The following CAST variants were observed in gnomAD, a reference collection of about 807,000 sequenced individuals.
CAST encodes MIR583 host.
In CAST, 76 loss-of-function variants were observed where a neutral mutation model predicts 119.6. That is an observed-to-expected ratio of 0.64 (90% CI 0.53 to 0.77). The LOEUF is 0.77. CAST is among the 30% of genes least tolerant of loss of function. The probability of loss-of-function intolerance (pLI) is 0.00; values close to 1 mark genes in which losing one functional copy is unlikely to be tolerated. For synonymous variants in CAST, 319 were observed against 331.6 expected (o/e 0.96, Z 0.41); for missense variants, 953 against 946.5 (o/e 1.01, Z -0.09).
chr5:96,118,630 CT>C, the CAST span, among the ~76,000 whole-genome samples: 1,495 of 129,824 alleles, frequency 0.012, 11 homozygotes, highest in African/African-American at 0.03. Flanking sequence ...TGGAAATTTG[CT>C]TTTTTTTTTT....
the CAST span, among the ~76,000 whole-genome samples, chr5:96,072,421 T>C: frequency 6.6e-6 from 1 of 152,206 alleles, no homozygotes; most frequent in Non-Finnish European, 1.5e-5. Context: ...ATGACTTAAA[T>C]GTCTTCTAAG....
intron 1 of CAST, among the ~76,000 whole-genome samples, chr5:96,547,735 T>G (rs1746044958): frequency 6.6e-6 from 1 of 152,226 alleles, no homozygotes; most frequent in African/African-American, 2.4e-5. Context: ...TGAGATCCTT[T>G]GACTTCCGTG....
chr5:96,412,437 C>T, the CAST span: 1 of 1,613,984 alleles, frequency 6.2e-7, no homozygotes, highest in Non-Finnish European at 8.5e-7. Flanking sequence ...GGATTGAATC[C>T]AATTGAACTG....
chr5:96,078,114 G>A, the CAST span, among the ~76,000 whole-genome samples: 13 of 152,160 alleles, frequency 8.5e-5, no homozygotes, highest in Non-Finnish European at 5.9e-5. Context: ...GGGAGAGAGA[G>A]CACAAGCTCT....
the CAST span, among the ~76,000 whole-genome samples, chr5:96,424,554 A>G: frequency 6.6e-6 from 1 of 152,240 alleles, no homozygotes; most frequent in East Asian, 1.9e-4. Context: ...ACAGACAATC[A>G]TGAGAACAAA....
upstream of CAST, among the ~76,000 whole-genome samples, chr5:96,527,306 T>C (rs1396959453): frequency 1.3e-5 from 2 of 152,188 alleles, no homozygotes; most frequent in Non-Finnish European, 1.5e-5. Context: ...GGGAGATGTG[T>C]GGCCTTCTAT....
At chr5:96,068,610 T>C in the CAST span, among the ~76,000 whole-genome samples, 2 of 151,630 alleles carry the variant, frequency 1.3e-5, no homozygotes, top group South Asian at 2.1e-4. Flanking sequence ...TGTGTGTGTG[T>C]GTGTGTGTGT....
chr5:96,373,955 T>C, the CAST span, among the ~76,000 whole-genome samples: 1 of 152,064 alleles, frequency 6.6e-6, no homozygotes, highest in South Asian at 2.1e-4. Flanking sequence ...ACTTATCTAC[T>C]TGAATTCATT....
chr5:96,205,724 G>A, the CAST span, among the ~76,000 whole-genome samples: 6 of 152,010 alleles, frequency 3.9e-5, no homozygotes, highest in African/African-American at 1.4e-4. Context: ...TGACTGATAG[G>A]CATTTAGGTT....
At chr5:96,035,743 G>A in the CAST span, among the ~76,000 whole-genome samples, 48 of 112,300 alleles carry the variant, frequency 4.3e-4, no homozygotes, top group Admixed American at 3.9e-3. Context: ...TTCCAGGTCC[G>A]TGTGTGTCTG....
chr5:96,288,282 G>A, the CAST span, among the ~76,000 whole-genome samples: 1 of 152,182 alleles, frequency 6.6e-6, no homozygotes, highest in African/African-American at 2.4e-5. Context: ...AGAGTAAAAA[G>A]TACTGTTGAA....
chr5:96,750,986 G>A (rs1862609), intron 20 of CAST, among the ~76,000 whole-genome samples: 36,865 of 151,796 alleles, frequency 0.24, 4,972 homozygotes, highest in Non-Finnish European at 0.32. Flanking sequence ...AAGCCTATAT[G>A]GATTTCCACC....
chr5:96,708,628 C>A (rs1014628359), intron 3 of CAST, among the ~76,000 whole-genome samples: 2 of 152,036 alleles, frequency 1.3e-5, no homozygotes, highest in Admixed American at 6.6e-5. Context: ...GTAGCTAGGA[C>A]CACAGTTGAG....
At chr5:96,234,857 A>C in the CAST span, among the ~76,000 whole-genome samples, 16 of 152,030 alleles carry the variant, frequency 1.1e-4, no homozygotes, top group African/African-American at 3.9e-4. Context: ...TGCTTTATTG[A>C]AGTATAATTT....
chr5:96,318,980 C>A, the CAST span: 1 of 152,114 alleles, frequency 6.6e-6, no homozygotes, highest in Admixed American at 6.6e-5. Context: ...AAAGGAATAC[C>A]TAAGACTGGG....
At chr5:96,285,219 C>G in the CAST span, among the ~76,000 whole-genome samples, 1 of 152,044 alleles carries the variant, frequency 6.6e-6, no homozygotes, top group Non-Finnish European at 1.5e-5. Flanking sequence ...GACTAAAGTT[C>G]CTGCTTTTAT....
intron 1 of CAST, among the ~76,000 whole-genome samples, chr5:96,654,802 A>G (rs1382518863): frequency 3.3e-5 from 5 of 152,228 alleles, no homozygotes; most frequent in African/African-American, 4.8e-5. Flanking sequence ...GACCATGTAT[A>G]TTTGTGTTAA....
At chr5:96,375,670 A>T in the CAST span, among the ~76,000 whole-genome samples, 1 of 151,716 alleles carries the variant, frequency 6.6e-6, no homozygotes. Flanking sequence ...CAATCAGCTG[A>T]CTTTAAGTAA....
intron 3 of CAST, among the ~76,000 whole-genome samples, chr5:96,717,879 A>AT (rs1419539071): frequency 6.6e-6 from 1 of 152,222 alleles, no homozygotes; most frequent in Non-Finnish European, 1.5e-5. Flanking sequence ...GTAGACATTT[A>AT]TTTTAGAAAG....
Sources: allele counts gnomAD v4.1 joint callset (sites outside exome capture counted in the v4.1 genomes callset), GRCh38; gene constraint gnomAD v4.1.1; transcripts MANE v1.5; gene names NCBI Gene and HGNC (gene_info 2026-07-23, HGNC 2026-07-21).